PCSK5: variants seen among roughly 807,000 people sequenced by gnomAD.
The protein encoded by PCSK5 is proprotein convertase subtilisin/kexin type 5, also known as prohormone convertase 5.
In PCSK5, 129 loss-of-function variants were observed where a neutral mutation model predicts 233.2. The observed-to-expected ratio is 0.55, with a 90% confidence interval of 0.48 to 0.64. The LOEUF (loss-of-function observed/expected upper bound fraction) is 0.64, where lower values mean the gene tolerates loss of function less well. PCSK5 is among the 30% of genes least tolerant of loss of function. PCSK5 has a pLI of 0.00. For missense variants in PCSK5, 2,076 were observed against 2,430.1 expected (o/e 0.85, Z 3.06); for synonymous variants, 825 against 879.2 (o/e 0.94, Z 1.09).
chr9:76,081,314 C>T (rs1413864102), intron 7 of PCSK5, among the ~76,000 whole-genome samples: 3 of 151,906 alleles, frequency 2.0e-5, no homozygotes, highest in African/African-American at 4.8e-5. Flanking sequence ...ATTAGCTGGG[C>T]GTGGTAGCCC....
chr9:76,103,042 G>C (rs1413217540), intron 8 of PCSK5, among the ~76,000 whole-genome samples: 2 of 152,194 alleles, frequency 1.3e-5, no homozygotes, highest in African/African-American at 4.8e-5. Context: ...ACACGAGAGT[G>C]GGATTTTGTG....
chr9:76,300,730 G>C (rs1290450004), intron 27 of PCSK5, among the ~76,000 whole-genome samples: 1 of 152,140 alleles, frequency 6.6e-6, no homozygotes, highest in African/African-American at 2.4e-5. Context: ...TCTGTGTTTT[G>C]CTAGCTGTGT....
intron 10 of PCSK5, among the ~76,000 whole-genome samples, chr9:76,135,987 A>T (rs1432157815): frequency 2.0e-5 from 3 of 152,080 alleles, no homozygotes; most frequent in Non-Finnish European, 4.4e-5. Flanking sequence ...CCCAAACCTG[A>T]ATCTAAAGGG....
At chr9:76,077,334 C>T (rs1158698058) in intron 7 of PCSK5, among the ~76,000 whole-genome samples, 3 of 152,196 alleles carry the variant, frequency 2.0e-5, no homozygotes, top group African/African-American at 7.2e-5. Flanking sequence ...TCTCTCTCAA[C>T]TCTATTGTTA....
chr9:75,970,032 C>G (rs959111483), intron 2 of PCSK5, among the ~76,000 whole-genome samples: 1 of 152,036 alleles, frequency 6.6e-6, no homozygotes, highest in Non-Finnish European at 1.5e-5. Flanking sequence ...CACCACCACA[C>G]CCAGCTAATT....
At chr9:76,278,159 C>T (rs573043142) in intron 24 of PCSK5, among the ~76,000 whole-genome samples, 2 of 152,074 alleles carry the variant, frequency 1.3e-5, no homozygotes, top group Non-Finnish European at 2.9e-5. Flanking sequence ...AATGCTTGGC[C>T]CCACTGAAAG....
chr9:76,312,609 T>A (rs1414867885), intron 30 of PCSK5, among the ~76,000 whole-genome samples: 2 of 152,014 alleles, frequency 1.3e-5, no homozygotes, highest in African/African-American at 4.8e-5. Flanking sequence ...AAATATAAGT[T>A]ATGAGTATAA....
At chr9:76,154,061 A>G (rs1823780186) in intron 10 of PCSK5, among the ~76,000 whole-genome samples, 1 of 152,176 alleles carries the variant, frequency 6.6e-6, no homozygotes, top group African/African-American at 2.4e-5. Flanking sequence ...TTCACACCAG[A>G]TTTTGAGGGA....
chr9:76,165,676 A>G (rs1187426248), intron 12 of PCSK5, among the ~76,000 whole-genome samples: 1 of 152,232 alleles, frequency 6.6e-6, no homozygotes, highest in African/African-American at 2.4e-5. Context: ...TTATGAAGTC[A>G]ACTTTGACAG....
chr9:76,020,554 G>T (rs781195207), intron 3 of PCSK5, among the ~76,000 whole-genome samples: 1 of 152,110 alleles, frequency 6.6e-6, no homozygotes, highest in South Asian at 2.1e-4. Context: ...TAGATTATCC[G>T]TATGAAAGCA....
chr9:76,242,641 G>A (rs940308995), intron 24 of PCSK5, among the ~76,000 whole-genome samples: 2 of 152,198 alleles, frequency 1.3e-5, no homozygotes, highest in African/African-American at 4.8e-5. Context: ...AGTTTGCACA[G>A]AGCAATGATG....
intron 2 of PCSK5, among the ~76,000 whole-genome samples, chr9:75,973,443 T>C (rs1369650519): frequency 1.3e-5 from 2 of 152,110 alleles, no homozygotes; most frequent in Non-Finnish European, 1.5e-5. Flanking sequence ...GAAAACAGGA[T>C]TACCAATTAT....
chr9:76,192,949 TATTA>T (rs926331102), intron 20 of PCSK5, among the ~76,000 whole-genome samples: 1 of 151,544 alleles, frequency 6.6e-6, no homozygotes, highest in Non-Finnish European at 1.5e-5. Flanking sequence ...TTGCTTGTGT[TATTA>T]ATTGATTTCT....
At chr9:76,272,750 G>A (rs1048860186) in intron 24 of PCSK5, among the ~76,000 whole-genome samples, 29 of 116,316 alleles carry the variant, frequency 2.5e-4, no homozygotes, top group Non-Finnish European at 1.7e-4. Flanking sequence ...ACTCCAGCCT[G>A]GTGACAGAGT....
At chr9:75,951,600 T>G (rs754022474) in intron 2 of PCSK5, among the ~76,000 whole-genome samples, 47 of 152,162 alleles carry the variant, frequency 3.1e-4, no homozygotes, top group Non-Finnish European at 5.4e-4. Flanking sequence ...TTATGGCATA[T>G]TAACTCTTAC....
intron 13 of PCSK5, among the ~76,000 whole-genome samples, chr9:76,173,477 TGAAATG>T (rs1427438014): frequency 7.2e-6 from 1 of 139,692 alleles, no homozygotes; most frequent in African/African-American, 2.6e-5. Context: ...CTAACTTTAA[TGAAATG>T]GAGGCACGTT....
intron 2 of PCSK5, among the ~76,000 whole-genome samples, chr9:75,944,182 AAAAT>A (rs1563928427): frequency 7.2e-6 from 1 of 138,822 alleles, no homozygotes. Flanking sequence ...AGAAAGAAAA[AAAAT>A]ATATATATAT....
intron 32 of PCSK5, among the ~76,000 whole-genome samples, chr9:76,327,661 G>A (rs11144831): frequency 0.17 from 26,083 of 152,072 alleles, 2,329 homozygotes; most frequent in Non-Finnish European, 0.2. Flanking sequence ...GTGTTGTGAC[G>A]GTGGAAAATT....
At chr9:76,064,474 C>T (rs1188761779) in intron 5 of PCSK5, among the ~76,000 whole-genome samples, 8 of 147,088 alleles carry the variant, frequency 5.4e-5, no homozygotes, top group African/African-American at 2.1e-4. Flanking sequence ...CCCCCACCTC[C>T]CTCCCGGATG....
Sources: gnomAD v4.1 joint callset for allele counts (sites outside exome capture counted in the v4.1 genomes callset) on GRCh38, gnomAD v4.1.1 for gene constraint, MANE v1.5 for transcripts, NCBI Gene and HGNC (gene_info 2026-07-23, HGNC 2026-07-21) for gene names.